FAHD2B: variants seen among roughly 807,000 people sequenced by gnomAD.
FAHD2B encodes the protein oxaloacetate tautomerase FAHD2B, mitochondrial.
In FAHD2B, 26 loss-of-function variants were observed where a neutral mutation model predicts 33.7. The observed-to-expected ratio is 0.77, with a 90% CI of 0.57 to 1.07. FAHD2B has a LOEUF of 1.07. FAHD2B is among the 50% of genes least tolerant of loss of function. The pLI is 0.00. For missense variants in FAHD2B, 272 were observed against 388.1 expected (o/e 0.70, Z 2.51); for synonymous variants, 108 against 150.9 (o/e 0.72, Z 2.08).
At chr2:97,087,134 C>T (rs2032039773) in intron 4 of FAHD2B, among the ~76,000 whole-genome samples, 1 of 152,046 alleles carries the variant, frequency 6.6e-6, no homozygotes, top group Non-Finnish European at 1.5e-5. Flanking sequence ...TCACTGCAAG[C>T]TCCGCCTCCT....
chr2:97,083,445 G>A (rs1457592397), downstream of FAHD2B: 5 of 1,353,938 alleles, frequency 3.7e-6, no homozygotes, highest in East Asian at 2.5e-5. Flanking sequence ...GGGACGAGAC[G>A]AGTTGTCTTT....
intron 4 of FAHD2B, among the ~76,000 whole-genome samples, chr2:97,089,102 T>C (rs1363968358): frequency 6.6e-6 from 1 of 151,996 alleles, no homozygotes; most frequent in Non-Finnish European, 1.5e-5. Flanking sequence ...TAAGGGTATA[T>C]ACACTAACGA....
chr2:97,090,604 T>A (rs1332304763), intron 3 of FAHD2B, among the ~76,000 whole-genome samples: 1 of 152,114 alleles, frequency 6.6e-6, no homozygotes, highest in Non-Finnish European at 1.5e-5. Flanking sequence ...CCTTTCCCCT[T>A]CTGGTTACCC....
chr2:97,085,342 T>C (rs2031905913), intron 6 of FAHD2B, among the ~76,000 whole-genome samples: 1 of 150,684 alleles, frequency 6.6e-6, no homozygotes, highest in African/African-American at 2.4e-5. Context: ...CTTTCATCTG[T>C]AGTGTGGAAA....
At chr2:97,092,369 C>T (rs563928497) in intron 1 of FAHD2B, among the ~76,000 whole-genome samples, 64 of 152,104 alleles carry the variant, frequency 4.2e-4, no homozygotes, top group Non-Finnish European at 4.7e-4. Context: ...CCTGCCTCCC[C>T]AGATAATAAT....
At chr2:97,085,636 C>T in intron 6 of FAHD2B, 63 bp downstream of exon 6, 1 of 1,596,330 alleles carries the variant, frequency 6.3e-7, no homozygotes, top group Non-Finnish European at 8.5e-7. Flanking sequence ...ACCCATGCTC[C>T]TCCCTGGAGG....
At chr2:97,079,837 A>G (rs1268360604), downstream of FAHD2B, among the ~76,000 whole-genome samples, 3 of 151,326 alleles carry the variant, frequency 2.0e-5, no homozygotes, top group African/African-American at 4.9e-5. Context: ...GCTAATGTTT[A>G]TATTTTGACT....
At position 97,092,965 on chromosome 2, in the gene FAHD2B, CAAAAAAAAAAAAA is replaced by C. The variant is rs748844060; in HGVS notation, c.-132-990_-132-978del. ...TCCAGCCCAGGCAACAGAGCGACTC[CAAAAAAAAAAAAA>C]AAAAAAAAAAGAAATTATCCACAGA... is the stretch of plus-strand genomic sequence containing the variant. On this transcript the variant is annotated intron_variant, in intron 1 of 8. Coordinates refer to ENST00000414820, the MANE Select transcript of FAHD2B (RefSeq NM_001320848.2). Among the ~76,000 whole-genome samples the C allele has an allele frequency of 1.2e-4, 8 of 64,228 alleles. No individual in the cohort carries two copies. The South Asian group carries it at 4.8e-3, about 39-fold the overall frequency. 42.1% of individuals were successfully genotyped at this position (64,228 alleles called of 152,430 possible).
downstream of FAHD2B, among the ~76,000 whole-genome samples, chr2:97,080,727 ATG>A (rs972357863): frequency 6.6e-6 from 1 of 152,044 alleles, no homozygotes; most frequent in African/African-American, 2.4e-5. Context: ...TGAGCATGGA[ATG>A]TTTTTCCATT....
At chr2:97,087,137 C>T (rs1381380003) in intron 4 of FAHD2B, among the ~76,000 whole-genome samples, 6 of 152,072 alleles carry the variant, frequency 3.9e-5, no homozygotes, top group Non-Finnish European at 2.9e-5. Flanking sequence ...CTGCAAGCTC[C>T]GCCTCCTGGG....
intron 6 of FAHD2B, 130 bp downstream of exon 6, chr2:97,085,569 T>C: frequency 1.4e-6 from 2 of 1,421,816 alleles, no homozygotes; most frequent in Non-Finnish European, 1.9e-6. Flanking sequence ...AGACTTTCCC[T>C]GTATGGAGTC....
chr2:97,092,965 CAAAAAAA>C (rs748844060), intron 1 of FAHD2B, among the ~76,000 whole-genome samples: 76 of 64,230 alleles, frequency 1.2e-3, no homozygotes, highest in African/African-American at 3.4e-3. Context: ...AGAGCGACTC[CAAAAAAA>C]AAAAAAAAAA....
chr2:97,093,563 C>T (rs905179317), intron 1 of FAHD2B, among the ~76,000 whole-genome samples: 3 of 150,396 alleles, frequency 2.0e-5, no homozygotes, highest in African/African-American at 4.9e-5. Flanking sequence ...CAAGCTCTGC[C>T]TCCCGGGTTC....
intron 4 of FAHD2B, chr2:97,089,787 T>C (rs189636849): frequency 2.6e-4 from 112 of 425,398 alleles, no homozygotes; most frequent in African/African-American, 2.0e-3. Context: ...TATAAACATA[T>C]ACAGGAGTGG....
At chr2:97,082,675 A>G, downstream of FAHD2B, 1 of 1,575,804 alleles carries the variant, frequency 6.3e-7, no homozygotes, top group Non-Finnish European at 8.7e-7. Flanking sequence ...CTCCCTACCT[A>G]GAGCCTTCAC....
intron 6 of FAHD2B, 69 bp downstream of exon 6, chr2:97,085,630 A>G (rs71429306): frequency 5.7e-5 from 90 of 1,591,782 alleles, no homozygotes; most frequent in African/African-American, 1.1e-4. Flanking sequence ...ACCTGAACCC[A>G]TGCTCCTCCC....
At position 97,091,971 on chromosome 2, in the gene FAHD2B, C is replaced by G. The variant is rs567419163; in HGVS notation, c.-115G>C. On this transcript the variant is annotated 5_prime_UTR_variant, in exon 2 of 9. Transcript: ENST00000414820. ...TTCAACCAGTGCTTTCTGAAAGTTC[C>G]CACTGTGCTTGGCTCTGCTGTAGGT... is the stretch of plus-strand genomic sequence containing the variant. 5.3e-5 allele frequency: 23 copies of G among 435,536 alleles called. 1 individual carries two copies. In the Admixed American group the frequency reaches 7.5e-4, roughly 14 times the overall value. 27.0% of individuals were successfully genotyped at this position (435,536 alleles called of 1,614,324 possible). A position where few individuals can be genotyped will look rare whatever the true frequency, so the allele number is the denominator to read the frequency against.
rs773006075 is a variant in FAHD2B at position 97,086,138 on chromosome 2, C to T, written c.522+1G>A. 1.9e-6 allele frequency: 3 copies of T among 1,612,998 alleles called. No homozygotes were observed. Among genetic ancestry groups the T allele is most frequent in the Non-Finnish European group, 2.5e-6 (3 of 1,179,644 alleles). ...CTGGGAGCCCACCCTTTCCACCTCA[C>T]CTTGATGTGCTTGCCTTTCTTTCCA... is the stretch of plus-strand genomic sequence containing the variant. On this transcript the variant is annotated splice_donor_variant, in intron 5 of 8. Transcript: ENST00000414820. LOFTEE classifies it high-confidence loss of function.
chr2:97,079,116 A>T (rs2031567833), downstream of FAHD2B, among the ~76,000 whole-genome samples: 1 of 152,062 alleles, frequency 6.6e-6, no homozygotes, highest in African/African-American at 2.4e-5. Context: ...TACTTTTTAT[A>T]ACTGCATAGT....
Sources: allele counts gnomAD v4.1 joint callset (sites outside exome capture counted in the v4.1 genomes callset), GRCh38; gene constraint gnomAD v4.1.1; transcripts MANE v1.5; gene names NCBI Gene and HGNC (gene_info 2026-07-23, HGNC 2026-07-21).